The following CACTIN variants were observed in gnomAD, a reference collection of about 807,000 sequenced individuals.
CACTIN encodes the protein splicing factor Cactin.
In CACTIN, 20 loss-of-function variants were observed where a neutral mutation model predicts 84.9. The observed-to-expected ratio is 0.24, with a 90% CI of 0.17 to 0.34. The LOEUF (loss-of-function observed/expected upper bound fraction) is 0.34. Among genes scored for constraint, CACTIN ranks in the 10% least tolerant of loss-of-function variants. The probability of loss-of-function intolerance (pLI) is 1.00; values close to 1 mark genes in which losing one functional copy is unlikely to be tolerated. For missense variants in CACTIN, 897 were observed against 1,117.2 expected (o/e 0.80, Z 2.81); for synonymous variants, 549 against 467.9 (o/e 1.17, Z -2.24).
chr19:3,613,152 G>T lies in CACTIN; in HGVS notation c.1692C>A (p.Leu564=). The part of the protein sequence containing the change: ...YDAGRYSPRL[L]TAHELPLDAH... ...CGTCCAGTGGCAGCTCGTGCGCCGT[G>T]AGCAGCCGCGGGCTGTACCTGCCGG... is the stretch of plus-strand genomic sequence containing the variant. The change falls in exon 9 of 10, where the codon CTC becomes CTA. Residue 564 remains leucine (L), a synonymous_variant. Coordinates refer to ENST00000429344, the MANE Select transcript of CACTIN (RefSeq NM_001080543.2). The T allele has an allele frequency of 6.2e-7, 1 of 1,609,570 alleles. No individual in the cohort carries two copies. The highest frequency in any genetic ancestry group is 8.5e-7 in the Non-Finnish European group (1 of 1,179,212).
intron 1 of CACTIN, among the ~76,000 whole-genome samples, chr19:3,625,875 T>A (rs928599623): frequency 5.3e-5 from 8 of 152,194 alleles, no homozygotes; most frequent in African/African-American, 1.4e-4. Context: ...TTGGTTTCTC[T>A]GTACTGGAGC....
At chr19:3,614,665 C>T (rs2033065184) in intron 6 of CACTIN, 76 bp from the exon 7 acceptor site, 2 of 1,231,068 alleles carry the variant, frequency 1.6e-6, no homozygotes, top group South Asian at 1.3e-5. Flanking sequence ...GGCCTCCTCC[C>T]CTGCCATGGG....
At chr19:3,617,688 G>A (rs183125900) in intron 6 of CACTIN, among the ~76,000 whole-genome samples, 2 of 152,344 alleles carry the variant, frequency 1.3e-5, no homozygotes, top group South Asian at 2.1e-4. Context: ...TCCTGCAGCC[G>A]GTGGGTAGGG....
chr19:3,612,043 G>C lies in CACTIN; in HGVS notation c.2157C>G (p.Ile719Met), dbSNP rs1369082344. Residue 719 changes from isoleucine to methionine, a missense_variant, in exon 10 of 10, where the codon ATC becomes ATG. Ile to Met is a conservative substitution (Grantham distance 10). Around this residue, in one of 8 missense-constraint regions of CACTIN, gnomAD observed 21 missense variants for 61.8 expected, o/e 0.34. Coordinates refer to ENST00000429344, the MANE Select transcript of CACTIN (RefSeq NM_001080543.2). ...ACTCGCGGTTGACGATCTTGAAAGC[G>C]ATGTCCTCGTAGGGCGGCCCCGCGT... is the stretch of plus-strand genomic sequence containing the variant. ...RFHAGPPYED[I>M]AFKIVNREWE... 2 of 1,613,820 alleles carry C rather than the reference G, an allele frequency of 1.2e-6. No homozygotes were observed. The highest frequency in any genetic ancestry group is 2.2e-5 in the East Asian group (1 of 44,888).
At position 3,615,038 on chromosome 19, in the gene CACTIN, A is replaced by G. The variant is rs2033073207; in HGVS notation, c.1163-449T>C. ...CTCTGGAATTCAGATCTTCTCTGCCAGCCTGGGCTGTGTGACTGTGGGCAA... is the reference window on the plus strand; with the variant it reads ...CTCTGGAATTCAGATCTTCTCTGCCGGCCTGGGCTGTGTGACTGTGGGCAA... On this transcript the variant is annotated intron_variant, in intron 6 of 9. Transcript: ENST00000429344. This position sits in a 1 kb window ranked among gnomAD's most constrained non-coding sequence, Gnocchi z 5.2. 4.2e-6 allele frequency: 1 copy of G among 237,388 alleles called. No homozygotes were observed. The highest frequency in any genetic ancestry group is 8.4e-6 in the Non-Finnish European group (1 of 118,920). 14.7% of individuals were successfully genotyped at this position (237,388 alleles called of 1,614,324 possible). A position where few individuals can be genotyped will look rare whatever the true frequency, so the allele number is the denominator to read the frequency against.
intron 4 of CACTIN, among the ~76,000 whole-genome samples, chr19:3,619,727 G>A (rs975855357): frequency 3.3e-5 from 5 of 152,118 alleles, no homozygotes; most frequent in African/African-American, 7.2e-5. Flanking sequence ...AAGGGAACCC[G>A]TCACCAGGGA....
chr19:3,620,549 C>T (rs1025303937), intron 3 of CACTIN, 158 bp downstream of exon 3: 4 of 665,692 alleles, frequency 6.0e-6, no homozygotes, highest in Admixed American at 2.8e-5. Context: ...TGGAGGGAAA[C>T]AGTTTCCTGG....
In CACTIN at chr19:3,614,821, C is replaced by G; in HGVS notation, c.1163-232G>C. 5.2e-6 allele frequency: 3 copies of G among 576,644 alleles called. No individual in the cohort carries two copies. The South Asian group carries it at 6.0e-5, about 11-fold the overall frequency. The allele number at this position is 576,644 out of a possible 1,614,324, so 35.7% of individuals were successfully genotyped here. ...CCACGTTAAGATGCAGTTGCTGAGG[C>G]CTTGACCTGGAGGCCCAGGCCCCCA... On this transcript the variant is annotated intron_variant, in intron 6 of 9. Coordinates refer to ENST00000429344, the MANE Select transcript of CACTIN (RefSeq NM_001080543.2).
chr19:3,624,166 C>A lies in CACTIN; in HGVS notation c.168-4G>T, dbSNP rs146037605. ...CCGCTCTTCCTCTGAATCTGACCTGCGGAGAGGACCATGGATGCCTGCTCA... is the reference window on the plus strand; with the variant it reads ...CCGCTCTTCCTCTGAATCTGACCTGAGGAGAGGACCATGGATGCCTGCTCA... On this transcript the variant is annotated splice_polypyrimidine_tract_variant and splice_region_variant and intron_variant, in intron 1 of 9. Coordinates refer to ENST00000429344, the MANE Select transcript of CACTIN (RefSeq NM_001080543.2). 2 of 1,547,962 alleles carry A rather than the reference C, an allele frequency of 1.3e-6. No homozygotes were observed. The highest frequency in any genetic ancestry group is 1.7e-6 in the Non-Finnish European group (2 of 1,149,440).
At chr19:3,618,690 A>T (rs3746126) in intron 6 of CACTIN, among the ~76,000 whole-genome samples, 185 bp downstream of exon 6, 2 of 152,008 alleles carry the variant, frequency 1.3e-5, no homozygotes, top group African/African-American at 4.8e-5. Flanking sequence ...GGCCCGCCCC[A>T]CTCATCCCTC....
Position 3,611,941 on chromosome 19 carries a change from G to C in CACTIN, c.2259C>G (p.Arg753=). 1 of 1,613,278 alleles carries C rather than the reference G, an allele frequency of 6.2e-7. No homozygotes were observed. Among genetic ancestry groups the C allele is most frequent in the Non-Finnish European group, 8.5e-7 (1 of 1,179,814 alleles). ...GIFQLWFHFK[R]YRYRR ...AGGGCCGTCACCGCCGATAGCGGTA[G>C]CGCTTGAAGTGAAACCACAGCTGGA... Residue 753 remains arginine (R), a synonymous_variant, in exon 10 of 10, where the codon CGC becomes CGG. Transcript: ENST00000429344.
In CACTIN at chr19:3,619,241, A is replaced by T; in HGVS notation, c.886T>A (p.Ser296Thr). Residue 296 changes from serine (S) to threonine (T), a missense_variant and splice_region_variant, in exon 5 of 10, where the codon TCC becomes ACC. Ser to Thr is a moderately conservative substitution (Grantham distance 58). Coordinates refer to ENST00000429344, the MANE Select transcript of CACTIN (RefSeq NM_001080543.2). ...CGCCCGTCCCGGATGCGGATCTTGG[A>T]ACTGTGGGGAGCAGGGGAAGGTGGC... The part of the protein sequence containing the change: ...NFHLQQAKLR[S>T]KIRIRDGRAK... 2.5e-6 allele frequency: 4 copies of T among 1,612,600 alleles called. No individual in the cohort carries two copies. The highest frequency in any genetic ancestry group is 3.4e-6 in the Non-Finnish European group (4 of 1,179,538).
At chr19:3,621,062 A>G (rs1046117994) in intron 2 of CACTIN, 1 of 569,114 alleles carries the variant, frequency 1.8e-6, no homozygotes, top group Non-Finnish European at 3.2e-6. Context: ...GGAGGGCCTC[A>G]CTCGGGGCCG....
intron 7 of CACTIN, chr19:3,613,827 C>CCTG: frequency 1.8e-6 from 1 of 566,280 alleles, no homozygotes; most frequent in Non-Finnish European, 3.1e-6. Flanking sequence ...GGGTCTCTGT[C>CCTG]TCACGCTGCA....
rs2033160562 is a variant in CACTIN, at chr19:3,618,789, C to T, written c.1162+86G>A. ...GGAAACCGAGGCCTGCAGAGAGCAC[C>T]AGGCCCCACAGCAAGTCTGAGGCTT... On this transcript the variant is annotated intron_variant, in intron 6 of 9. Coordinates refer to ENST00000429344, the MANE Select transcript of CACTIN (RefSeq NM_001080543.2). The T allele has an allele frequency of 1.3e-5, 14 of 1,098,676 alleles. No individual in the cohort carries two copies. In the South Asian group the frequency reaches 1.8e-4, roughly 14 times the overall value. 68.1% of individuals were successfully genotyped at this position (1,098,676 alleles called of 1,614,324 possible). A position where few individuals can be genotyped will look rare whatever the true frequency, so the allele number is the denominator to read the frequency against.
rs879836003 is a variant in CACTIN, at chr19:3,610,650, C to G, written c.*1273G>C. The G allele has an allele frequency of 1.3e-5, 6 of 450,678 alleles. No individual in the cohort carries two copies. Among genetic ancestry groups the G allele is most frequent in the Non-Finnish European group, 2.2e-5 (5 of 224,948 alleles). 27.9% of individuals were successfully genotyped at this position (450,678 alleles called of 1,614,324 possible). A position where few individuals can be genotyped will look rare whatever the true frequency, so the allele number is the denominator to read the frequency against. ...GCATTTCTGCAAACCTAAGATTATT[C>G]TAAAATACAACGTTTATTAAAAAAA... On this transcript the variant is annotated 3_prime_UTR_variant, in exon 10 of 10. Transcript: ENST00000429344.
chr19:3,612,670 C>A, intron 9 of CACTIN: 2 of 712,074 alleles, frequency 2.8e-6, no homozygotes, highest in Non-Finnish European at 5.0e-6. Flanking sequence ...CCCCGCCGAG[C>A]GACAGGAGAA....
rs2033270136 is a variant in CACTIN at position 3,623,601 on chromosome 19, G to A, written c.642+87C>T. On this transcript the variant is annotated intron_variant, in intron 2 of 9. Coordinates refer to ENST00000429344, the MANE Select transcript of CACTIN (RefSeq NM_001080543.2). ...TAAAACCAACTCTTGCACGATCAAG[G>A]GCAGGCTGGGAGTGTCTCAAGTGTT... 12 of 1,200,114 alleles carry A rather than the reference G, an allele frequency of 1.0e-5. No individual in the cohort carries two copies. In the South Asian group the frequency reaches 1.6e-4, roughly 16 times the overall value. 74.3% of individuals were successfully genotyped at this position (1,200,114 alleles called of 1,614,324 possible).
In CACTIN at chr19:3,613,111, G is replaced by A. The variant is rs962540694; in HGVS notation, c.1733C>T (p.Pro578Leu). 1.3e-6 allele frequency: 2 copies of A among 1,589,686 alleles called. No individual in the cohort carries two copies. The highest frequency in any genetic ancestry group is 1.3e-5 in the African/African-American group (1 of 74,348). Residue 578 changes from proline (P) to leucine (L), a missense_variant, in exon 9 of 10, where the codon CCG (proline) becomes CTG (leucine). Coordinates refer to ENST00000429344, the MANE Select transcript of CACTIN (RefSeq NM_001080543.2). Reference sequence around the variant, plus strand: ...CTGCAGGCGCTGCAGGTCCTCATCCGGTTCCAGCACGTGCGCGTCCAGTGG... The same window carrying A: ...CTGCAGGCGCTGCAGGTCCTCATCCAGTTCCAGCACGTGCGCGTCCAGTGG... The part of the protein sequence containing the change: ...ELPLDAHVLE[P>L]DEDLQRLQLS...
Sources: gnomAD v4.1 joint callset for allele counts (sites outside exome capture counted in the v4.1 genomes callset) on GRCh38, gnomAD v4.1.1 for gene constraint, gnomAD v4.1.1 regional missense constraint, Gnocchi (gnomAD v3.1) non-coding constraint, MANE v1.5 for transcripts, NCBI Gene and HGNC (gene_info 2026-07-23, HGNC 2026-07-21) for gene names.